The following MYLK variants were observed in gnomAD, a reference collection of about 807,000 sequenced individuals.
The protein encoded by MYLK is myosin light chain kinase, smooth muscle.
MYLK carries 106 observed loss-of-function variants against 203.4 expected under a neutral mutation model. That is an observed-to-expected ratio of 0.52 (90% confidence interval 0.45 to 0.61). The LOEUF (loss-of-function observed/expected upper bound fraction) is 0.61, where lower values mean the gene tolerates loss of function less well. Ranked by LOEUF, MYLK falls within the 20% of genes least tolerant of loss-of-function variation. The probability of loss-of-function intolerance (pLI) is 0.00; values close to 1 mark genes in which losing one functional copy is unlikely to be tolerated. For synonymous variants in MYLK, 867 were observed against 959.5 expected (o/e 0.90, Z 1.78); for missense variants, 2,072 against 2,442.3 (o/e 0.85, Z 3.20).
chr3:123,871,381 A>G (rs2032771899), intron 2 of MYLK, among the ~76,000 whole-genome samples: 1 of 152,170 alleles, frequency 6.6e-6, no homozygotes, highest in Non-Finnish European at 1.5e-5. Context: ...TCAAACCAAC[A>G]AACACCTGGT....
intron 2 of MYLK, among the ~76,000 whole-genome samples, chr3:123,859,211 T>A (rs1250002776): frequency 1.3e-5 from 2 of 152,230 alleles, no homozygotes; most frequent in Non-Finnish European, 2.9e-5. Flanking sequence ...CTAAAAAGAT[T>A]CAAACTGGAA....
At chr3:123,714,174 G>A (rs1263874277) in intron 13 of MYLK, among the ~76,000 whole-genome samples, 2 of 152,222 alleles carry the variant, frequency 1.3e-5, no homozygotes, top group Non-Finnish European at 2.9e-5. Context: ...GGCAGATTGT[G>A]TCTGTTTTAC....
intron 29 of MYLK, among the ~76,000 whole-genome samples, chr3:123,633,060 T>C (rs13072331): frequency 0.095 from 14,354 of 151,764 alleles, 1,578 homozygotes; most frequent in East Asian, 0.36. Context: ...CCTCCCAAAG[T>C]GCATTACAGG....
At chr3:123,645,384 G>A (rs1197106861) in intron 27 of MYLK, among the ~76,000 whole-genome samples, 4 of 152,182 alleles carry the variant, frequency 2.6e-5, no homozygotes, top group Non-Finnish European at 5.9e-5. Context: ...GTGCCAGAAT[G>A]TTAATGGCAT....
At chr3:123,722,920 T>C (rs1479417379) in intron 12 of MYLK, among the ~76,000 whole-genome samples, 1 of 151,362 alleles carries the variant, frequency 6.6e-6, no homozygotes, top group Non-Finnish European at 1.5e-5. Flanking sequence ...TCGGCTCCTT[T>C]TTTCCAGAGT....
chr3:123,831,868 G>A (rs2066341438), intron 2 of MYLK, among the ~76,000 whole-genome samples, 198 bp from the exon 3 acceptor site: 1 of 152,184 alleles, frequency 6.6e-6, no homozygotes, highest in African/African-American at 2.4e-5. Context: ...ATAGTTACAA[G>A]GAGAACCAGA....
chr3:123,783,511 AT>A (rs1267434942), intron 4 of MYLK, among the ~76,000 whole-genome samples: 1 of 152,196 alleles, frequency 6.6e-6, no homozygotes, highest in African/African-American at 2.4e-5. Context: ...TAAACTGTGT[AT>A]TCATCTTTGA....
intron 3 of MYLK, 109 bp downstream of exon 3, chr3:123,831,439 C>T (rs1284839718): frequency 1.6e-6 from 2 of 1,289,258 alleles, no homozygotes; most frequent in East Asian, 1.1e-4. Context: ...TTGGGGGCAG[C>T]AGTCTCTTCT....
At chr3:123,795,207 C>T (rs1436919584) in intron 3 of MYLK, among the ~76,000 whole-genome samples, 1 of 152,160 alleles carries the variant, frequency 6.6e-6, no homozygotes, top group East Asian at 1.9e-4. Flanking sequence ...TATTTTTTCC[C>T]TACAACTTTT....
At chr3:123,831,319 C>T in intron 3 of MYLK, 1 of 1,239,078 alleles carries the variant, frequency 8.1e-7, no homozygotes, top group Non-Finnish European at 1.1e-6. Context: ...TTTCCACCAC[C>T]TTCGCCAGTT....
At chr3:123,670,920 G>A (rs1195131565) in intron 20 of MYLK, among the ~76,000 whole-genome samples, 5 of 152,214 alleles carry the variant, frequency 3.3e-5, no homozygotes, top group African/African-American at 1.2e-4. Context: ...ACGAGCTAAG[G>A]CTTTGTCCTG....
intron 3 of MYLK, among the ~76,000 whole-genome samples, chr3:123,823,866 C>T (rs566899493): frequency 1.3e-5 from 2 of 152,308 alleles, no homozygotes; most frequent in African/African-American, 4.8e-5. Flanking sequence ...CCTCCAACCA[C>T]ACCAAGTTCA....
intron 4 of MYLK, among the ~76,000 whole-genome samples, chr3:123,792,664 G>A (rs573321556): frequency 4.6e-5 from 7 of 152,194 alleles, no homozygotes; most frequent in Admixed American, 3.3e-4. Context: ...AGCCCCCAGC[G>A]ATTCTTCCTG....
chr3:123,740,174 G>T (rs2062815158), intron 5 of MYLK, among the ~76,000 whole-genome samples, 173 bp from the exon 6 acceptor site: 1 of 152,180 alleles, frequency 6.6e-6, no homozygotes, highest in Non-Finnish European at 1.5e-5. Flanking sequence ...ATTATCATGT[G>T]AATTTCTTGC....
intron 20 of MYLK, among the ~76,000 whole-genome samples, chr3:123,675,300 CA>C (rs1371211164): frequency 6.6e-6 from 1 of 152,152 alleles, no homozygotes; most frequent in African/African-American, 2.4e-5. Flanking sequence ...AAACCTGGGG[CA>C]GGGGTGGGGA....
chr3:123,879,179 C>G (rs2033354480), intron 1 of MYLK, among the ~76,000 whole-genome samples: 2 of 152,184 alleles, frequency 1.3e-5, no homozygotes, highest in African/African-American at 4.8e-5. Context: ...CTCTGGCCAC[C>G]CAATTGCCTC....
chr3:123,735,239 T>A, intron 9 of MYLK, 159 bp downstream of exon 9: 1 of 978,272 alleles, frequency 1.0e-6, no homozygotes, highest in Non-Finnish European at 1.6e-6. Context: ...CATATTACAA[T>A]AGGAGAACAA....
intron 14 of MYLK, chr3:123,709,134 ATT>A (rs1161776768): frequency 0.043 from 7,258 of 170,512 alleles, 40 homozygotes; most frequent in African/African-American, 0.082. Flanking sequence ...TTCTCACATA[ATT>A]TTTTTTTTTT....
rs1212184969 is a variant in MYLK, at chr3:123,629,624, ACT to A, written c.4962_4963del (p.Val1655GlnfsTer12). 6.2e-7 allele frequency: 1 copy of A among 1,613,660 alleles called. No homozygotes were observed. Among genetic ancestry groups the A allele is most frequent in the South Asian group, 1.1e-5 (1 of 91,048 alleles). On this transcript the variant is annotated frameshift_variant and splice_region_variant, in exon 30 of 34. Coordinates refer to ENST00000360304, the MANE Select transcript of MYLK (RefSeq NM_053025.4). LOFTEE classifies it high-confidence loss of function. This position sits in a 1 kb window ranked among gnomAD's most constrained non-coding sequence, Gnocchi z 4.4. The stretch of plus-strand genomic sequence containing the variant: ...TCCCATGAAGGGGGAAAGGCCACTG[ACT>A]CTGGAGAGACAAGAGCAGGACAGCA...
Sources: gnomAD v4.1 joint callset for allele counts (sites outside exome capture counted in the v4.1 genomes callset) on GRCh38, gnomAD v4.1.1 for gene constraint, Gnocchi (gnomAD v3.1) non-coding constraint, MANE v1.5 for transcripts, NCBI Gene and HGNC (gene_info 2026-07-23, HGNC 2026-07-21) for gene names.